Variants in SDK2 observed in about 807,000 individuals in gnomAD.
SDK2 encodes protein sidekick-2.
A neutral mutation model predicts 253.9 loss-of-function variants in SDK2; 105 were observed. The ratio of observed to expected loss-of-function variants is 0.41; its 90% CI spans 0.35 to 0.49. SDK2 has a LOEUF of 0.49. SDK2 is among the 20% of genes least tolerant of loss of function. The pLI is 0.06. For synonymous variants in SDK2, 1,249 were observed against 1,234.9 expected, an observed-to-expected ratio of 1.01 and a Z score of -0.24; for missense variants, 2,608 against 3,003.0, an observed-to-expected ratio of 0.87 and a Z score of 3.07.
intron 1 of SDK2, among the ~76,000 whole-genome samples, chr17:73,592,439 A>C (rs555066092): frequency 3.3e-5 from 5 of 152,340 alleles, no homozygotes; most frequent in African/African-American, 9.6e-5. Flanking sequence ...GTGGGAGGGA[A>C]AGAGTCTCCA....
chr17:73,556,213 G>A (rs2045140985), intron 1 of SDK2, among the ~76,000 whole-genome samples: 1 of 152,178 alleles, frequency 6.6e-6, no homozygotes, highest in Non-Finnish European at 1.5e-5. Context: ...GATGGGAAGC[G>A]GCAGGTTCTT....
chr17:73,504,043 T>G (rs1265819062), intron 2 of SDK2, among the ~76,000 whole-genome samples: 3 of 152,052 alleles, frequency 2.0e-5, no homozygotes, highest in Non-Finnish European at 4.4e-5. Context: ...TTCCAGGAAC[T>G]GCCAAGGTTC....
At chr17:73,502,836 A>G (rs1465402905) in intron 2 of SDK2, among the ~76,000 whole-genome samples, 3 of 152,228 alleles carry the variant, frequency 2.0e-5, no homozygotes, top group Admixed American at 6.5e-5. Context: ...CCACTCATCA[A>G]TAACGAAGGG....
chr17:73,402,072 T>C lies in SDK2; in HGVS notation c.2554A>G (p.Ser852Gly), dbSNP rs757560189. The change falls in exon 19 of 45, where the codon AGC becomes GGC. Residue 852 changes from serine (S) to glycine (G), a missense_variant. Around this residue, in one of 2 missense-constraint regions of SDK2, gnomAD observed 1,505 missense variants for 1,859.1 expected, o/e 0.81. Transcript: ENST00000392650. Reference protein sequence around the residue: ...MVTARPNFQDSIHVGFVSGLK... With the variant: ...MVTARPNFQDGIHVGFVSGLK... Reference sequence around the variant, plus strand: ...CCAGACACGAAGCCCACGTGGATGCTGTCTTGAAAGTTAGGCCGGGCGGTC... The same window carrying C: ...CCAGACACGAAGCCCACGTGGATGCCGTCTTGAAAGTTAGGCCGGGCGGTC... 6.2e-7 allele frequency: 1 copy of C among 1,614,022 alleles called. No individual in the cohort carries two copies. Among genetic ancestry groups the C allele is most frequent in the South Asian group, 1.1e-5 (1 of 91,086 alleles).
At position 73,388,052 on chromosome 17, in the gene SDK2, AG is replaced by A. The variant is rs1382076509; in HGVS notation, c.4193-16del. 1 of 1,554,982 alleles carries A rather than the reference AG, an allele frequency of 6.4e-7. No individual in the cohort carries two copies. Among genetic ancestry groups the A allele is most frequent in the Non-Finnish European group, 8.7e-7 (1 of 1,150,776 alleles). On this transcript the variant is annotated splice_polypyrimidine_tract_variant and intron_variant, in intron 29 of 44. Coordinates refer to ENST00000392650, the MANE Select transcript of SDK2 (RefSeq NM_001144952.2). ...CTGCGGACGGTCTGGGAGGTGGCAGAGGGGGAGGAGCAGGTGAGTGGGCCAG... is the reference window on the plus strand; with the variant it reads ...CTGCGGACGGTCTGGGAGGTGGCAGAGGGGAGGAGCAGGTGAGTGGGCCAG...
intron 1 of SDK2, among the ~76,000 whole-genome samples, chr17:73,630,625 C>A (rs898107610): frequency 2.6e-5 from 4 of 152,170 alleles, no homozygotes; most frequent in Non-Finnish European, 5.9e-5. Flanking sequence ...TCTTTCTCAG[C>A]AGAGGCCTAA....
rs907769836 is a variant in SDK2, at chr17:73,639,420, C to T, written c.64+4605G>A. 8.5e-5 allele frequency among the ~76,000 whole-genome samples: 13 copies of T among 152,156 alleles called. No homozygotes were observed. Among genetic ancestry groups the T allele is most frequent in the Admixed American group, 2.6e-4 (4 of 15,288 alleles). On this transcript the variant is annotated intron_variant, in intron 1 of 44. Coordinates refer to ENST00000392650, the MANE Select transcript of SDK2 (RefSeq NM_001144952.2). This position sits in a 1 kb window ranked among gnomAD's most constrained non-coding sequence, Gnocchi z 4.3. ...TGCCTCCTGCCCAGCACATGGACAG[C>T]AGGGGTGGGACACCTAGGGGAGGGG...
rs768549467 is a variant in SDK2, at chr17:73,352,636, G to C, written c.5595C>G (p.Asp1865Glu). 3 of 1,613,734 alleles carry C rather than the reference G, an allele frequency of 1.9e-6. No individual in the cohort carries two copies. The highest frequency in any genetic ancestry group is 1.1e-5 in the South Asian group (1 of 91,068). ...TGATGAGGATGTCCCATAGTCCCTC[G>C]TCTGCAGGAGCACAGAGATGGAGGC... ...TRYVIEARPS[D>E]EGLWDILIKD... Residue 1865 changes from aspartate (D) to glutamate (E), a missense_variant and splice_region_variant, in exon 41 of 45, where the codon GAC becomes GAG. Coordinates refer to ENST00000392650, the MANE Select transcript of SDK2 (RefSeq NM_001144952.2). This position sits in a 1 kb window ranked among gnomAD's most constrained non-coding sequence, Gnocchi z 4.1.
At position 73,337,047 on chromosome 17, in the gene SDK2, A is replaced by ATGTGTG. The variant is rs1162306143; in HGVS notation, c.*1539_*1540insCACACA. 2.1e-5 allele frequency: 3 copies of ATGTGTG among 143,094 alleles called. No individual in the cohort carries two copies. Among genetic ancestry groups the ATGTGTG allele is most frequent in the African/African-American group, 5.4e-5 (2 of 37,326 alleles). The allele number at this position is 143,094 out of a possible 1,614,324, so 8.9% of individuals were successfully genotyped here. On this transcript the variant is annotated 3_prime_UTR_variant, in exon 45 of 45. Transcript: ENST00000392650. ...GAACACTCCTTGGAGCAGATTGTGTATGTGTATGTGTGTGTGTGTGTGTGT... is the reference window on the plus strand; with the variant it reads ...GAACACTCCTTGGAGCAGATTGTGTATGTGTGTGTGTATGTGTGTGTGTGTGTGTGT...
At position 73,496,936 on chromosome 17, in the gene SDK2, G is replaced by A. The variant is rs565023479; in HGVS notation, c.224+10502C>T. Reference sequence around the variant, plus strand: ...TTTTGAGATGGGGTCTCGCTTTGTCGCCTAGGTAGGAATGCAGTGGTGTGA... The same window carrying A: ...TTTTGAGATGGGGTCTCGCTTTGTCACCTAGGTAGGAATGCAGTGGTGTGA... On this transcript the variant is annotated intron_variant, in intron 2 of 44. Coordinates refer to ENST00000392650, the MANE Select transcript of SDK2 (RefSeq NM_001144952.2). The surrounding 1 kb of genome is among the most constrained non-coding windows in gnomAD (Gnocchi z 4.7). 2.0e-5 allele frequency among the ~76,000 whole-genome samples: 3 copies of A among 152,230 alleles called. No individual in the cohort carries two copies. The highest frequency in any genetic ancestry group is 2.1e-4 in the South Asian group (1 of 4,818).
intron 1 of SDK2, among the ~76,000 whole-genome samples, chr17:73,585,176 T>A (rs1187803983): frequency 1.2e-4 from 19 of 152,290 alleles, no homozygotes; most frequent in Non-Finnish European, 2.9e-5. Flanking sequence ...TCAGAGAAGT[T>A]AAGTAACTTG....
chr17:73,568,785 AAGG>A (rs1218090448), intron 1 of SDK2, among the ~76,000 whole-genome samples: 1 of 124,728 alleles, frequency 8.0e-6, no homozygotes, highest in Non-Finnish European at 1.6e-5. Context: ...GGATAAATAC[AAGG>A]AGAAGAGTCG....
In SDK2 at chr17:73,386,561, A is replaced by C. The variant is rs745720684; in HGVS notation, c.4395-13T>G. On this transcript the variant is annotated splice_polypyrimidine_tract_variant and intron_variant, in intron 30 of 44. Coordinates refer to ENST00000392650, the MANE Select transcript of SDK2 (RefSeq NM_001144952.2). ...GAAGGGCTTCAGCCTGTAGGGAGAA[A>C]TCAGGGCCAATGAGCCAAGGTGCTC... 10 of 1,534,900 alleles carry C rather than the reference A, an allele frequency of 6.5e-6. No homozygotes were observed. The highest frequency in any genetic ancestry group is 1.4e-5 in the African/African-American group (1 of 72,856).
intron 12 of SDK2, among the ~76,000 whole-genome samples, chr17:73,429,447 T>C (rs1001965487): frequency 6.6e-6 from 1 of 152,252 alleles, no homozygotes; most frequent in African/African-American, 2.4e-5. Flanking sequence ...GCCGCTGATA[T>C]GTTCTCTGAG....
At chr17:73,500,465 A>C (rs57092434) in intron 2 of SDK2, among the ~76,000 whole-genome samples, 5 of 133,914 alleles carry the variant, frequency 3.7e-5, no homozygotes, top group Admixed American at 7.3e-5. Flanking sequence ...TCCATCCTCC[A>C]TCCATCCTCC....
intron 29 of SDK2, 91 bp downstream of exon 29, chr17:73,390,196 C>T (rs2062915192): frequency 8.8e-7 from 1 of 1,134,166 alleles, no homozygotes; most frequent in African/African-American, 1.6e-5. Flanking sequence ...CACTGCAGCT[C>T]ATACCAGCCA....
Position 73,383,093 on chromosome 17 carries a change from C to G in SDK2, c.4705+783G>C, listed in dbSNP as rs1447675989. ...ATCTGCGCCCATCACATATCATCTCCCATACTGGCCTCGGTCCACCCCGAG... is the reference window on the plus strand; with the variant it reads ...ATCTGCGCCCATCACATATCATCTCGCATACTGGCCTCGGTCCACCCCGAG... On this transcript the variant is annotated intron_variant, in intron 33 of 44. Transcript: ENST00000392650. This position sits in a 1 kb window ranked among gnomAD's most constrained non-coding sequence, Gnocchi z 4.3. 6.6e-6 allele frequency among the ~76,000 whole-genome samples: 1 copy of G among 152,132 alleles called. No homozygotes were observed. Among genetic ancestry groups the G allele is most frequent in the East Asian group, 1.9e-4 (1 of 5,190 alleles).
intron 1 of SDK2, among the ~76,000 whole-genome samples, chr17:73,613,591 C>T: frequency 5.4e-5 from 1 of 18,574 alleles, no homozygotes; most frequent in African/African-American, 2.7e-4. Flanking sequence ...GCGGCCCCAC[C>T]CCCACCCCCA....
At chr17:73,637,160 TA>T (rs1218434649) in intron 1 of SDK2, among the ~76,000 whole-genome samples, 1 of 151,980 alleles carries the variant, frequency 6.6e-6, no homozygotes, top group Non-Finnish European at 1.5e-5. Flanking sequence ...ATGTGCAAGG[TA>T]AAAATGTCTT....
Sources: gnomAD v4.1 joint callset for allele counts (sites outside exome capture counted in the v4.1 genomes callset) on GRCh38, gnomAD v4.1.1 for gene constraint, gnomAD v4.1.1 regional missense constraint, Gnocchi (gnomAD v3.1) non-coding constraint, MANE v1.5 for transcripts, NCBI Gene and HGNC (gene_info 2026-07-23, HGNC 2026-07-21) for gene names.